The following SFXN5 variants were observed in gnomAD, a reference collection of about 807,000 sequenced individuals.
SFXN5 encodes the protein sideroflexin 5.
In SFXN5, 43 loss-of-function variants were observed where a neutral mutation model predicts 50.2. The observed-to-expected ratio is 0.86, with a 90% CI of 0.67 to 1.11. The LOEUF (loss-of-function observed/expected upper bound fraction) is 1.11. Among genes scored for constraint, SFXN5 ranks in the 50% least tolerant of loss-of-function variants. SFXN5 has a pLI of 0.00. For missense variants in SFXN5, 463 were observed against 454.1 expected, an observed-to-expected ratio of 1.02 and a Z score of -0.18; for synonymous variants, 203 against 185.8, an observed-to-expected ratio of 1.09 and a Z score of -0.75.
intron 1 of SFXN5, chr2:73,059,185 G>A (rs1009395095): frequency 6.0e-5 from 59 of 986,156 alleles, no homozygotes; most frequent in South Asian, 2.3e-4. Flanking sequence ...AGCAGGGGCC[G>A]TGGAAAAGGA....
intron 13 of SFXN5, chr2:72,957,121 C>A: frequency 2.2e-6 from 1 of 455,584 alleles, no homozygotes; most frequent in Non-Finnish European, 4.4e-6. Flanking sequence ...GGACCACATC[C>A]CCTTTCTCAG....
At chr2:72,969,377 T>G (rs1573989036) in intron 11 of SFXN5, among the ~76,000 whole-genome samples, 1 of 152,128 alleles carries the variant, frequency 6.6e-6, no homozygotes, top group Non-Finnish European at 1.5e-5. Flanking sequence ...TTTACTTTTT[T>G]TTGTTGTTGG....
intron 9 of SFXN5, among the ~76,000 whole-genome samples, chr2:72,989,809 G>C (rs886583371): frequency 1.1e-4 from 16 of 152,200 alleles, no homozygotes; most frequent in Non-Finnish European, 2.4e-4. Context: ...GGTTGCAGAG[G>C]CCTCTGCTTC....
chr2:73,005,734 G>A (rs949762366), intron 6 of SFXN5, among the ~76,000 whole-genome samples: 2 of 152,138 alleles, frequency 1.3e-5, no homozygotes, highest in Non-Finnish European at 2.9e-5. Flanking sequence ...CAGAGCTCTG[G>A]AAGGCAAAAT....
At chr2:73,006,330 G>C (rs1383803075) in intron 6 of SFXN5, among the ~76,000 whole-genome samples, 1 of 152,156 alleles carries the variant, frequency 6.6e-6, no homozygotes, top group Non-Finnish European at 1.5e-5. Flanking sequence ...AGATCCCTAA[G>C]AATGAATGCT....
chr2:72,947,223 C>T (rs1248012887), intron 13 of SFXN5, among the ~76,000 whole-genome samples: 1 of 152,244 alleles, frequency 6.6e-6, no homozygotes, highest in Non-Finnish European at 1.5e-5. Flanking sequence ...CAAAGCCTAG[C>T]ACAATGCTGG....
Position 72,971,687 on chromosome 2 carries a change from T to G in SFXN5, c.626-2A>C, listed in dbSNP as rs1670016809. 1 of 1,611,620 alleles carries G rather than the reference T, an allele frequency of 6.2e-7. No individual in the cohort carries two copies. Among genetic ancestry groups the G allele is most frequent in the Non-Finnish European group, 8.5e-7 (1 of 1,177,978 alleles). On this transcript the variant is annotated splice_acceptor_variant, in intron 10 of 13. Transcript: ENST00000272433. LOFTEE classifies it high-confidence loss of function. ...CCACATTGCAGATATTGGCACTGGC[T>G]GCAGAGAGAGGGGATGCAGAGAGCA...
chr2:72,957,663 G>A (rs1308018914), intron 13 of SFXN5, among the ~76,000 whole-genome samples: 1 of 152,278 alleles, frequency 6.6e-6, no homozygotes, highest in Non-Finnish European at 1.5e-5. Flanking sequence ...TCTGGGATGT[G>A]AGACATGATC....
At chr2:73,036,161 C>G (rs568350029) in intron 3 of SFXN5, among the ~76,000 whole-genome samples, 1 of 152,312 alleles carries the variant, frequency 6.6e-6, no homozygotes, top group South Asian at 2.1e-4. Flanking sequence ...ATGAGCAGGG[C>G]CAGCCTGGGC....
intron 1 of SFXN5, 51 bp from the exon 2 acceptor site, chr2:73,058,647 C>A: frequency 6.4e-7 from 1 of 1,553,836 alleles, no homozygotes; most frequent in Non-Finnish European, 8.9e-7. Flanking sequence ...GCTGCACACC[C>A]TTCTCCAGAC....
intron 3 of SFXN5, among the ~76,000 whole-genome samples, chr2:73,028,057 A>G (rs1559173482): frequency 6.6e-6 from 1 of 152,318 alleles, no homozygotes; most frequent in Non-Finnish European, 1.5e-5. Flanking sequence ...AGTATTCAGT[A>G]GAGTACCATG....
intron 3 of SFXN5, 125 bp downstream of exon 3, chr2:73,040,729 G>A: frequency 1.5e-6 from 1 of 670,320 alleles, no homozygotes; most frequent in Non-Finnish European, 2.5e-6. Context: ...TAGTCCACAG[G>A]GGTATGTACC....
At chr2:73,071,525 C>A (rs1255934090) in intron 1 of SFXN5, 79 bp downstream of exon 1, 10 of 1,377,634 alleles carry the variant, frequency 7.3e-6, no homozygotes, top group Non-Finnish European at 1.0e-5. Context: ...GACCCTTGGG[C>A]GGAAGGGGAC....
chr2:73,025,448 TATC>T (rs1480315544), intron 3 of SFXN5, among the ~76,000 whole-genome samples: 1 of 152,200 alleles, frequency 6.6e-6, no homozygotes, highest in African/African-American at 2.4e-5. Context: ...AATGAAGGAA[TATC>T]ATCTTCTAAA....
chr2:73,052,339 AGTGTGTGTGTGTGTGTATGCGT>A (rs934637503), intron 2 of SFXN5, among the ~76,000 whole-genome samples: 3 of 147,066 alleles, frequency 2.0e-5, no homozygotes, highest in African/African-American at 5.2e-5. Flanking sequence ...TAAGAGAGAG[AGTGTGTGTGTGTGTGTATGCGT>A]GTGTGTGTGT....
chr2:73,055,998 C>T lies in SFXN5; in HGVS notation c.171+2530G>A, dbSNP rs1031036626. Among the ~76,000 whole-genome samples, 3 of 152,226 alleles carry T rather than the reference C, an allele frequency of 2.0e-5. 1 individual carries two copies. Among genetic ancestry groups the T allele is most frequent in the African/African-American group, 2.4e-5 (1 of 41,548 alleles). On this transcript the variant is annotated intron_variant, in intron 2 of 13. Transcript: ENST00000272433. ...TGCTAAAATACAAAAATTAGCCACG[C>T]GTGATGGTGCATGCCTGTAATCCCA...
In SFXN5 at chr2:72,971,702, T is replaced by C. The variant is rs1449883644; in HGVS notation, c.626-17A>G. 1 of 1,594,148 alleles carries C rather than the reference T, an allele frequency of 6.3e-7. No homozygotes were observed. The highest frequency in any genetic ancestry group is 1.1e-5 in the South Asian group (1 of 90,622). ...TGGCACTGGCTGCAGAGAGAGGGGA[T>C]GCAGAGAGCAGGATGAGGAGGAAGA... On this transcript the variant is annotated splice_polypyrimidine_tract_variant and intron_variant, in intron 10 of 13. Coordinates refer to ENST00000272433, the MANE Select transcript of SFXN5 (RefSeq NM_144579.3).
At chr2:73,003,327 A>G (rs1474083137) in intron 6 of SFXN5, among the ~76,000 whole-genome samples, 1 of 152,108 alleles carries the variant, frequency 6.6e-6, no homozygotes, top group Non-Finnish European at 1.5e-5. Context: ...TCTCCTCTGA[A>G]TCCCCACTTA....
intron 6 of SFXN5, among the ~76,000 whole-genome samples, chr2:73,002,856 G>T (rs899064327): frequency 1.3e-5 from 2 of 152,126 alleles, no homozygotes; most frequent in Admixed American, 6.5e-5. Flanking sequence ...AGAATCAGGG[G>T]AACCTGGGTC....
Sources: allele counts gnomAD v4.1 joint callset (sites outside exome capture counted in the v4.1 genomes callset), GRCh38; gene constraint gnomAD v4.1.1; transcripts MANE v1.5; gene names NCBI Gene and HGNC (gene_info 2026-07-23, HGNC 2026-07-21).